Variants in SNX24 observed in about 807,000 individuals in gnomAD.
The protein encoded by SNX24 is sorting nexin 24.
SNX24 carries 22 observed loss-of-function variants against 28.7 expected under a neutral mutation model. The observed-to-expected ratio is 0.77, with a 90% CI of 0.55 to 1.10. SNX24 has a LOEUF of 1.10. SNX24 is among the 50% of genes least tolerant of loss of function. SNX24 has a pLI of 0.00. For synonymous variants in SNX24, 69 were observed against 71.5 expected, an observed-to-expected ratio of 0.96 and a Z score of 0.18; for missense variants, 221 against 201.1, an observed-to-expected ratio of 1.10 and a Z score of -0.60.
chr5:122,846,809 C>G (rs7730291), intron 1 of SNX24, among the ~76,000 whole-genome samples: 18,946 of 152,112 alleles, frequency 0.12, 1,491 homozygotes, highest in East Asian at 0.36. Context: ...AAAGTGCTTT[C>G]CTTGGGAAGG....
intron 1 of SNX24, among the ~76,000 whole-genome samples, chr5:122,890,027 A>G (rs1389620135): frequency 1.3e-5 from 2 of 150,534 alleles, no homozygotes; most frequent in Non-Finnish European, 2.9e-5. Context: ...TTTGTCCTCT[A>G]TGGCATTGTC....
intron 1 of SNX24, among the ~76,000 whole-genome samples, chr5:122,887,991 C>T (rs911939972): frequency 1.8e-4 from 27 of 152,148 alleles, no homozygotes; most frequent in African/African-American, 4.8e-4. Flanking sequence ...CGTGAGCCAC[C>T]GCACTCGGCC....
intron 1 of SNX24, among the ~76,000 whole-genome samples, chr5:122,923,310 G>A (rs1758526278): frequency 6.6e-6 from 1 of 151,298 alleles, no homozygotes; most frequent in Non-Finnish European, 1.5e-5. Flanking sequence ...CTGCACTGCA[G>A]CCTGGGTGAC....
At chr5:122,860,756 A>G (rs1414068437) in intron 1 of SNX24, among the ~76,000 whole-genome samples, 2 of 151,702 alleles carry the variant, frequency 1.3e-5, no homozygotes, top group Non-Finnish European at 2.9e-5. Flanking sequence ...GCCACCATGC[A>G]TGGCTAATTT....
At chr5:123,023,918 A>G in intron 5 of SNX24, 1 of 1,613,962 alleles carries the variant, frequency 6.2e-7, no homozygotes, top group Non-Finnish European at 8.5e-7. Context: ...TTTCACGTCT[A>G]TCTTGCCACT....
chr5:122,862,587 G>A (rs1175540144), intron 1 of SNX24, among the ~76,000 whole-genome samples: 1 of 140,378 alleles, frequency 7.1e-6, no homozygotes, highest in Admixed American at 7.3e-5. Context: ...GGGCAACAGA[G>A]CAAGACTCTG....
At chr5:122,887,118 AAAAT>A (rs1332578033) in intron 1 of SNX24, among the ~76,000 whole-genome samples, 3 of 152,230 alleles carry the variant, frequency 2.0e-5, no homozygotes, top group East Asian at 1.9e-4. Flanking sequence ...AATCATTAAT[AAAAT>A]AAATAAAAAT....
chr5:122,863,988 A>G (rs1443594056), intron 1 of SNX24, among the ~76,000 whole-genome samples: 3 of 152,180 alleles, frequency 2.0e-5, no homozygotes, highest in African/African-American at 7.2e-5. Flanking sequence ...TTTATTGATC[A>G]CCAATCATGT....
At chr5:122,984,221 A>T (rs968900698) in intron 3 of SNX24, among the ~76,000 whole-genome samples, 2 of 152,164 alleles carry the variant, frequency 1.3e-5, no homozygotes, top group East Asian at 3.9e-4. Context: ...AAATATGATT[A>T]GCTAACATGT....
intron 3 of SNX24, among the ~76,000 whole-genome samples, chr5:122,995,662 G>A (rs979123177): frequency 6.6e-5 from 10 of 152,172 alleles, no homozygotes; most frequent in Admixed American, 3.9e-4. Flanking sequence ...CACTCTGTGT[G>A]TATACCTGTA....
chr5:122,945,346 G>C (rs1759637759), intron 2 of SNX24, among the ~76,000 whole-genome samples: 1 of 152,178 alleles, frequency 6.6e-6, no homozygotes, highest in Non-Finnish European at 1.5e-5. Flanking sequence ...GGCATATAAG[G>C]TAACATCCAC....
chr5:122,918,418 C>G (rs772534071), intron 1 of SNX24, among the ~76,000 whole-genome samples: 12 of 152,176 alleles, frequency 7.9e-5, no homozygotes, highest in Non-Finnish European at 1.5e-4. Context: ...GTTGCGTCCC[C>G]CATTTACATG....
intron 3 of SNX24, among the ~76,000 whole-genome samples, chr5:122,955,777 G>C (rs189668287): frequency 2.6e-5 from 4 of 152,128 alleles, no homozygotes; most frequent in African/African-American, 9.7e-5. Flanking sequence ...CATGGTTTCC[G>C]CTGACACCAT....
intron 1 of SNX24, among the ~76,000 whole-genome samples, chr5:122,852,280 AC>A (rs1342564504): frequency 3.3e-5 from 5 of 151,872 alleles, no homozygotes; most frequent in Non-Finnish European, 5.9e-5. Context: ...ATTTTTGAGA[AC>A]AAGTCCGAGA....
At chr5:122,925,106 C>T (rs1283138721) in intron 1 of SNX24, among the ~76,000 whole-genome samples, 1 of 140,752 alleles carries the variant, frequency 7.1e-6, no homozygotes, top group Non-Finnish European at 1.5e-5. Context: ...TTCCCTCTCT[C>T]TTCCCTTCCC....
At chr5:122,872,781 T>C (rs1277763120) in intron 1 of SNX24, among the ~76,000 whole-genome samples, 1 of 151,960 alleles carries the variant, frequency 6.6e-6, no homozygotes, top group East Asian at 1.9e-4. Flanking sequence ...CCACAGATAC[T>C]GAGGGCCGAC....
At chr5:123,014,359 T>TTC (rs1762644924) in intron 5 of SNX24, among the ~76,000 whole-genome samples, 1 of 139,818 alleles carries the variant, frequency 7.2e-6, no homozygotes, top group Non-Finnish European at 1.5e-5. Context: ...TTTTTTTTTT[T>TTC]TTTGTAGAGA....
chr5:122,986,595 A>G (rs1202522220), intron 3 of SNX24, among the ~76,000 whole-genome samples: 2 of 152,160 alleles, frequency 1.3e-5, no homozygotes, highest in Non-Finnish European at 2.9e-5. Flanking sequence ...GGCCATGGCA[A>G]GCTGAGGATG....
At chr5:122,903,543 A>T (rs189706451) in intron 1 of SNX24, among the ~76,000 whole-genome samples, 31 of 152,208 alleles carry the variant, frequency 2.0e-4, no homozygotes, top group Non-Finnish European at 4.1e-4. Context: ...ATCATGCTTT[A>T]TGCATCTAAT....
Sources: allele counts gnomAD v4.1 joint callset (sites outside exome capture counted in the v4.1 genomes callset), GRCh38; gene constraint gnomAD v4.1.1; transcripts MANE v1.5; gene names NCBI Gene and HGNC (gene_info 2026-07-23, HGNC 2026-07-21).